PCDH15: variants seen among roughly 807,000 people sequenced by gnomAD.
PCDH15 encodes protocadherin related 15.
A neutral mutation model predicts 178.5 loss-of-function variants in PCDH15; 129 were observed. That is an observed-to-expected ratio of 0.72 (90% CI 0.63 to 0.84). The LOEUF (loss-of-function observed/expected upper bound fraction) is 0.84. Ranked by LOEUF, PCDH15 falls within the 40% of genes least tolerant of loss-of-function variation. The pLI is 0.00. For synonymous variants in PCDH15, 800 were observed against 732.0 expected, an observed-to-expected ratio of 1.09 and a Z score of -1.50; for missense variants, 2,230 against 2,099.9, an observed-to-expected ratio of 1.06 and a Z score of -1.21.
intron 1 of PCDH15, among the ~76,000 whole-genome samples, chr10:54,743,216 C>A (rs1217738980): frequency 5.3e-5 from 8 of 151,886 alleles, no homozygotes; most frequent in Non-Finnish European, 1.2e-4. Context: ...TTATTAAGTT[C>A]TTATATATAA....
Position 55,594,091 on chromosome 10 carries a change from T to C in PCDH15, c.-156+33534A>G, listed in dbSNP as rs12571028. ...TTTTTCTCTATTCTTGTCAAATCCA[T>C]GTCATTCTAGCTACTGACATAATTT... On this transcript the variant is annotated intron_variant, in intron 2 of 5. Transcript: ENST00000613346. Among the ~76,000 whole-genome samples, 339 of 152,066 alleles carry C rather than the reference T, an allele frequency of 2.2e-3. 3 individuals are homozygous for C. The East Asian group carries it at 0.032, about 15-fold the overall frequency.
intron 14 of PCDH15, among the ~76,000 whole-genome samples, chr10:54,152,614 TAAC>T (rs2044648751): frequency 6.6e-6 from 1 of 151,818 alleles, no homozygotes; most frequent in Non-Finnish European, 1.5e-5. Flanking sequence ...AACAATAAAT[TAAC>T]AAAAGGGATT....
chr10:55,620,616 T>C (rs1300753210), intron 2 of PCDH15, among the ~76,000 whole-genome samples: 1 of 151,926 alleles, frequency 6.6e-6, no homozygotes, highest in African/African-American at 2.4e-5. Context: ...GAAATTTGAA[T>C]ATTTGCACCC....
At chr10:54,959,370 T>C (rs1689837176) in intron 2 of PCDH15, among the ~76,000 whole-genome samples, 1 of 151,996 alleles carries the variant, frequency 6.6e-6, no homozygotes, top group African/African-American at 2.4e-5. Context: ...GAACAAATGA[T>C]TGAATTAGAA....
intron 3 of PCDH15, among the ~76,000 whole-genome samples, chr10:54,459,467 G>A (rs756846257): frequency 1.3e-5 from 2 of 151,912 alleles, no homozygotes; most frequent in East Asian, 1.9e-4. Context: ...GCATGAAGTC[G>A]TAGTTGTCAA....
At chr10:54,094,291 A>G (rs914653674) in intron 15 of PCDH15, among the ~76,000 whole-genome samples, 2 of 152,226 alleles carry the variant, frequency 1.3e-5, no homozygotes, top group African/African-American at 2.4e-5. Context: ...AAAATTAATT[A>G]GAATATTTTG....
At chr10:55,295,796 T>C (rs1843117387) in intron 1 of PCDH15, among the ~76,000 whole-genome samples, 1 of 152,146 alleles carries the variant, frequency 6.6e-6, no homozygotes, top group Admixed American at 6.6e-5. Flanking sequence ...TGGACACCAA[T>C]AGAGTGTCCT....
At chr10:54,019,825 A>C (rs969480531) in intron 20 of PCDH15, among the ~76,000 whole-genome samples, 1 of 151,966 alleles carries the variant, frequency 6.6e-6, no homozygotes, top group Admixed American at 6.6e-5. Flanking sequence ...CTTCAGAGTC[A>C]TATATAAAAT....
intron 2 of PCDH15, among the ~76,000 whole-genome samples, chr10:54,995,159 G>C (rs1391416100): frequency 6.6e-6 from 1 of 151,928 alleles, no homozygotes; most frequent in African/African-American, 2.4e-5. Context: ...GGCGGATCAC[G>C]AAGTCAGGAG....
intron 2 of PCDH15, among the ~76,000 whole-genome samples, chr10:55,133,368 C>T (rs1039040362): frequency 6.6e-6 from 1 of 152,074 alleles, no homozygotes; most frequent in African/African-American, 2.4e-5. Context: ...TCTAAGACAC[C>T]ATACTCTAAA....
chr10:55,301,405 G>A (rs1843275242), intron 1 of PCDH15, among the ~76,000 whole-genome samples: 1 of 151,510 alleles, frequency 6.6e-6, no homozygotes, highest in Non-Finnish European at 1.5e-5. Context: ...GACTTCTTTG[G>A]CAAATTACCT....
Position 54,132,861 on chromosome 10 carries a change from A to ACC in PCDH15, c.1917+12_1917+13dup, listed in dbSNP as rs770365128. 5.2e-5 allele frequency: 83 copies of ACC among 1,604,208 alleles called. No homozygotes were observed. The Middle Eastern group carries it at 6.6e-4, about 13-fold the overall frequency. ...TTTATACACACACACACACACACAC[A>ACC]CCAAGGAACATACCTGTAGATTTAA... On this transcript the variant is annotated intron_variant, in intron 15 of 37. Coordinates refer to ENST00000644397, the MANE Select transcript of PCDH15 (RefSeq NM_001384140.1).
intron 2 of PCDH15, among the ~76,000 whole-genome samples, chr10:55,515,789 T>A (rs1035916988): frequency 6.6e-6 from 1 of 152,152 alleles, no homozygotes; most frequent in Non-Finnish European, 1.5e-5. Context: ...ATGTGGCTAC[T>A]TCTCTTATAT....
chr10:55,404,796 A>C (rs1219431199), intron 2 of PCDH15, among the ~76,000 whole-genome samples: 2 of 151,970 alleles, frequency 1.3e-5, no homozygotes, highest in South Asian at 4.1e-4. Flanking sequence ...TCTATAATAA[A>C]AAATACTATC....
intron 1 of PCDH15, among the ~76,000 whole-genome samples, chr10:55,198,278 C>G (rs1591983257): frequency 6.6e-6 from 1 of 152,190 alleles, no homozygotes; most frequent in Non-Finnish European, 1.5e-5. Context: ...CTCTGTGTCT[C>G]TACCCAAATT....
At chr10:55,278,026 TA>T (rs973084460) in intron 1 of PCDH15, among the ~76,000 whole-genome samples, 5 of 152,112 alleles carry the variant, frequency 3.3e-5, no homozygotes, top group African/African-American at 9.6e-5. Flanking sequence ...AACTCAACAT[TA>T]AAAAAAGCCT....
At chr10:55,151,956 G>T (rs1838734276) in intron 2 of PCDH15, among the ~76,000 whole-genome samples, 1 of 151,994 alleles carries the variant, frequency 6.6e-6, no homozygotes, top group African/African-American at 2.4e-5. Flanking sequence ...CAGGGAAGAA[G>T]TAATGACTGA....
chr10:54,122,526 T>C (rs2041623905), intron 15 of PCDH15, among the ~76,000 whole-genome samples: 1 of 143,350 alleles, frequency 7.0e-6, no homozygotes, highest in Non-Finnish European at 1.5e-5. Context: ...ATGTTAAACT[T>C]TTTTTTTCAT....
At chr10:54,170,193 AT>A (rs2046735994) in intron 13 of PCDH15, among the ~76,000 whole-genome samples, 1 of 150,278 alleles carries the variant, frequency 6.7e-6, no homozygotes, top group Non-Finnish European at 1.5e-5. Context: ...TCTCAGCATA[AT>A]TCTCATAAAA....
Sources: gnomAD v4.1 joint callset for allele counts (sites outside exome capture counted in the v4.1 genomes callset) on GRCh38, gnomAD v4.1.1 for gene constraint, MANE v1.5 for transcripts, NCBI Gene and HGNC (gene_info 2026-07-23, HGNC 2026-07-21) for gene names.